Variants in GRID2 observed in about 807,000 individuals in gnomAD.
GRID2 encodes glutamate receptor ionotropic, delta-2.
A neutral mutation model predicts 114.8 loss-of-function variants in GRID2; 33 were observed. That is an observed-to-expected ratio of 0.29 (90% CI 0.22 to 0.38). GRID2 has a LOEUF of 0.38. Among genes scored for constraint, GRID2 ranks in the 10% least tolerant of loss-of-function variants. The probability of loss-of-function intolerance (pLI) is 1.00; values close to 1 mark genes in which losing one functional copy is unlikely to be tolerated. For synonymous variants in GRID2, 505 were observed against 449.9 expected (o/e 1.12, Z -1.55); for missense variants, 1,184 against 1,257.7 (o/e 0.94, Z 0.89).
At chr4:93,780,053 A>T (rs543010620) in intron 1 of GRID2, among the ~76,000 whole-genome samples, 2 of 152,230 alleles carry the variant, frequency 1.3e-5, no homozygotes, top group Non-Finnish European at 2.9e-5. Context: ...TTCACAGTTA[A>T]CTGAGGGAGA....
intron 2 of GRID2, among the ~76,000 whole-genome samples, chr4:92,599,223 G>T (rs1447215103): frequency 1.3e-5 from 2 of 151,976 alleles, no homozygotes; most frequent in East Asian, 1.9e-4. Flanking sequence ...AGTAGAGAAA[G>T]GCCATGGAGG....
At chr4:93,083,124 T>A (rs1316393138) in intron 2 of GRID2, among the ~76,000 whole-genome samples, 3 of 152,154 alleles carry the variant, frequency 2.0e-5, no homozygotes, top group Non-Finnish European at 4.4e-5. Context: ...TGACTCCAAC[T>A]GTGTACCCCT....
rs1739350484 is a variant in GRID2, at chr4:92,786,913, C to G, written c.244+196627C>G. Among the ~76,000 whole-genome samples the G allele has an allele frequency of 2.0e-5, 3 of 151,876 alleles. No homozygotes were observed. The South Asian group carries it at 6.2e-4, about 32-fold the overall frequency. On this transcript the variant is annotated intron_variant, in intron 2 of 15. Coordinates refer to ENST00000282020, the MANE Select transcript of GRID2 (RefSeq NM_001510.4). ...TAATTAAAAGATTACAAATGCAGAC[C>G]TTTGAAAATAAGGACAGAAGTGTCA...
intron 2 of GRID2, among the ~76,000 whole-genome samples, chr4:92,793,547 A>G (rs991118627): frequency 1.3e-5 from 2 of 151,480 alleles, no homozygotes; most frequent in African/African-American, 4.9e-5. Context: ...ACATAAAATA[A>G]AAATTAAAAA....
intron 2 of GRID2, among the ~76,000 whole-genome samples, chr4:92,665,707 G>A (rs1462100933): frequency 1.3e-5 from 2 of 149,762 alleles, no homozygotes; most frequent in African/African-American, 4.9e-5. Flanking sequence ...ATTCTTGGTT[G>A]ACATGTTTTT....
intron 4 of GRID2, among the ~76,000 whole-genome samples, chr4:93,199,040 T>A (rs1175180775): frequency 6.6e-6 from 1 of 152,034 alleles, no homozygotes; most frequent in Non-Finnish European, 1.5e-5. Context: ...TACAAGAAAA[T>A]AAATATTTTA....
chr4:93,635,565 C>A (rs1432407057), intron 14 of GRID2, among the ~76,000 whole-genome samples: 3 of 151,990 alleles, frequency 2.0e-5, no homozygotes, highest in Non-Finnish European at 4.4e-5. Context: ...TATTTCAGAG[C>A]AACCTCCTCT....
At chr4:93,805,530 T>C (rs1376229679) in intron 1 of GRID2, among the ~76,000 whole-genome samples, 6 of 152,214 alleles carry the variant, frequency 3.9e-5, no homozygotes, top group Non-Finnish European at 5.9e-5. Flanking sequence ...ATCAATCCAC[T>C]AACACAATTA....
intron 14 of GRID2, among the ~76,000 whole-genome samples, chr4:93,767,875 G>A (rs1282887818): frequency 6.6e-6 from 1 of 152,154 alleles, no homozygotes; most frequent in Middle Eastern, 3.2e-3. Context: ...GTCTAATTAT[G>A]TAAAAATTAT....
intron 1 of GRID2, among the ~76,000 whole-genome samples, chr4:92,443,288 A>C (rs958734943): frequency 2.0e-5 from 3 of 152,152 alleles, no homozygotes; most frequent in African/African-American, 7.2e-5. Context: ...GGCTATTTGG[A>C]ACTACTGTGG....
At chr4:93,676,740 A>G (rs1221216633) in intron 14 of GRID2, among the ~76,000 whole-genome samples, 1 of 151,128 alleles carries the variant, frequency 6.6e-6, no homozygotes, top group Non-Finnish European at 1.5e-5. Context: ...GAAATTAAAA[A>G]AAAAAGATAT....
At chr4:92,663,696 C>T (rs1419353071) in intron 2 of GRID2, among the ~76,000 whole-genome samples, 1 of 151,052 alleles carries the variant, frequency 6.6e-6, no homozygotes, top group African/African-American at 2.4e-5. Flanking sequence ...GTTCAGTGGT[C>T]TTAAACACAT....
intron 2 of GRID2, among the ~76,000 whole-genome samples, chr4:92,661,032 C>G (rs899332006): frequency 6.6e-6 from 1 of 150,686 alleles, no homozygotes; most frequent in African/African-American, 2.4e-5. Context: ...TATTGTAGGA[C>G]TTTGTCAAGT....
At chr4:93,587,608 GC>G (rs2149605100) in intron 13 of GRID2, among the ~76,000 whole-genome samples, 1 of 152,106 alleles carries the variant, frequency 6.6e-6, no homozygotes, top group Admixed American at 6.6e-5. Flanking sequence ...GTATTACTGA[GC>G]TTTTAGGATT....
chr4:93,114,181 T>A (rs1341833564), intron 4 of GRID2, among the ~76,000 whole-genome samples: 1 of 152,126 alleles, frequency 6.6e-6, no homozygotes, highest in Non-Finnish European at 1.5e-5. Flanking sequence ...AGTGTTAGAA[T>A]TCATGAAGCT....
At chr4:92,417,629 A>G (rs12650010) in intron 1 of GRID2, among the ~76,000 whole-genome samples, 53,983 of 152,082 alleles carry the variant, frequency 0.35, 10,523 homozygotes, top group African/African-American at 0.52. Flanking sequence ...AAATTATCAT[A>G]TTACATGCCA....
Position 92,502,705 on chromosome 4 carries a change from CTTTTT to C in GRID2, c.89-87402_89-87398del, listed in dbSNP as rs70940901. Among the ~76,000 whole-genome samples the C allele has an allele frequency of 2.7e-3, 172 of 63,938 alleles. 2 individuals carry two copies. The highest frequency in any genetic ancestry group is 0.016 in the Middle Eastern group (1 of 62). 41.9% of individuals were successfully genotyped at this position (63,938 alleles called of 152,430 possible). On this transcript the variant is annotated intron_variant, in intron 1 of 15. Coordinates refer to ENST00000282020, the MANE Select transcript of GRID2 (RefSeq NM_001510.4). ...GCAATGAACTAATGCCATGTGATTTCTTTTTTTTTTTTTTTTTTTTTTTTTTTTCC... is the reference window on the plus strand; with the variant it reads ...GCAATGAACTAATGCCATGTGATTTCTTTTTTTTTTTTTTTTTTTTTTTCC...
At chr4:92,690,906 A>G (rs1734151317) in intron 2 of GRID2, among the ~76,000 whole-genome samples, 1 of 151,982 alleles carries the variant, frequency 6.6e-6, no homozygotes, top group Non-Finnish European at 1.5e-5. Context: ...TTTTATTTTT[A>G]TTGTGTTTTC....
At chr4:93,511,064 G>A (rs1411454993) in intron 12 of GRID2, among the ~76,000 whole-genome samples, 1 of 152,080 alleles carries the variant, frequency 6.6e-6, no homozygotes, top group Non-Finnish European at 1.5e-5. Flanking sequence ...AGCCTTGTGA[G>A]TAGCTGGGAT....
Sources: gnomAD v4.1 joint callset for allele counts (sites outside exome capture counted in the v4.1 genomes callset) on GRCh38, gnomAD v4.1.1 for gene constraint, MANE v1.5 for transcripts, NCBI Gene and HGNC (gene_info 2026-07-23, HGNC 2026-07-21) for gene names.